Variants in TRPM1 observed in about 807,000 individuals in gnomAD.
TRPM1 encodes TRPM1-203 APA Isoform, Intron 10.
A neutral mutation model predicts 149.4 loss-of-function variants in TRPM1; 113 were observed. That is an observed-to-expected ratio of 0.76 (90% CI 0.65 to 0.88). The LOEUF is 0.88. TRPM1 is among the 40% of genes least tolerant of loss of function. The pLI, the probability that TRPM1 is intolerant of heterozygous loss-of-function variation, is 0.00. For synonymous variants in TRPM1, 741 were observed against 759.5 expected, an observed-to-expected ratio of 0.98 and a Z score of 0.40; for missense variants, 1,976 against 2,038.7, an observed-to-expected ratio of 0.97 and a Z score of 0.59.
intron 1 of TRPM1, among the ~76,000 whole-genome samples, chr15:31,142,514 G>A (rs2036174300): frequency 6.6e-6 from 1 of 152,078 alleles, no homozygotes; most frequent in Non-Finnish European, 1.5e-5. Flanking sequence ...TGATTACTTA[G>A]GAAAACAGAC....
At chr15:31,063,745 G>C (rs1249148254) in intron 7 of TRPM1, among the ~76,000 whole-genome samples, 1 of 152,154 alleles carries the variant, frequency 6.6e-6, no homozygotes, top group Non-Finnish European at 1.5e-5. Flanking sequence ...AAGCCACTGT[G>C]CCCAGCCCAG....
At chr15:31,074,431 A>G (rs985555550) in intron 3 of TRPM1, among the ~76,000 whole-genome samples, 1 of 152,022 alleles carries the variant, frequency 6.6e-6, no homozygotes, top group South Asian at 2.1e-4. Context: ...GGCAGATTGT[A>G]TATTTCTCAG....
At chr15:31,052,023 A>G (rs2033960808) in intron 11 of TRPM1, among the ~76,000 whole-genome samples, 1 of 152,166 alleles carries the variant, frequency 6.6e-6, no homozygotes, top group South Asian at 2.1e-4. Context: ...ATTTTGCTTA[A>G]TTCTGATTCT....
intron 3 of TRPM1, among the ~76,000 whole-genome samples, chr15:31,072,368 T>C (rs544241438): frequency 2.6e-5 from 4 of 152,304 alleles, no homozygotes; most frequent in South Asian, 4.1e-4. Context: ...CTCCCTTTTA[T>C]GGCTTAATAA....
Position 31,096,363 on chromosome 15 carries a change from A to C in TRPM1, c.-84+5294T>G, listed in dbSNP as rs368038564. Among the ~76,000 whole-genome samples, 47 of 152,344 alleles carry C rather than the reference A, an allele frequency of 3.1e-4. 1 individual carries two copies. The East Asian group carries it at 6.2e-3, about 20-fold the overall frequency. On this transcript the variant is annotated intron_variant, in intron 1 of 27. Transcript: ENST00000256552. ...ATTTAGCAATAAAACATCTTAAAAG[A>C]ATAAACAAAAACAGGAGAGAGAAGC...
intron 1 of TRPM1, among the ~76,000 whole-genome samples, chr15:31,147,748 A>G (rs1329848071): frequency 6.6e-6 from 1 of 152,170 alleles, no homozygotes; most frequent in Admixed American, 6.5e-5. Context: ...CATTTGGGGG[A>G]GCATTTCCAA....
At chr15:31,032,006 G>GT (rs57762904) in intron 22 of TRPM1, among the ~76,000 whole-genome samples, 2,457 of 122,644 alleles carry the variant, frequency 0.02, 8 homozygotes, top group South Asian at 0.036. Flanking sequence ...ATCAGGCGGG[G>GT]TTTTTTTTTT....
chr15:31,154,339 G>GTGTTACATTCAAGGCCTC (rs1205901571), intron 1 of TRPM1, among the ~76,000 whole-genome samples: 1 of 152,196 alleles, frequency 6.6e-6, no homozygotes, highest in African/African-American at 2.4e-5. Flanking sequence ...GGCATGGGGT[G>GTGTTACATTCAAGGCCTC]TGTTACATTC....
At chr15:31,024,926 G>A (rs754355585) in intron 27 of TRPM1, among the ~76,000 whole-genome samples, 5 of 152,162 alleles carry the variant, frequency 3.3e-5, no homozygotes, top group Admixed American at 6.5e-5. Flanking sequence ...TTAGCTGGTT[G>A]GATTTGGTTG....
rs143452917 is a variant in TRPM1, at chr15:31,018,114, C to T, written c.3629+8025G>A. ...TCGCCCAGGCTGGAGTGCAGTGGTG[C>T]GACCTCGGCTCACTGCAACCTCTGC... On this transcript the variant is annotated intron_variant, in intron 27 of 27. Transcript: ENST00000256552. Among the ~76,000 whole-genome samples the T allele has an allele frequency of 6.8e-3, 1,039 of 152,102 alleles. 15 individuals are homozygous for T. Among genetic ancestry groups the T allele is most frequent in the African/African-American group, 0.024 (995 of 41,490 alleles).
intron 27 of TRPM1, among the ~76,000 whole-genome samples, chr15:31,008,808 G>A (rs1271957167): frequency 1.3e-5 from 2 of 152,278 alleles, no homozygotes; most frequent in South Asian, 2.1e-4. Context: ...CAATTTGAAT[G>A]TAGGAACATT....
intron 27 of TRPM1, among the ~76,000 whole-genome samples, chr15:31,005,945 G>T (rs1164882864): frequency 1.3e-5 from 2 of 152,114 alleles, no homozygotes; most frequent in Admixed American, 1.3e-4. Context: ...ACATTGAATG[G>T]CATAAAAACA....
chr15:31,101,388 T>C (rs1441031784), intron 1 of TRPM1, among the ~76,000 whole-genome samples: 1 of 152,196 alleles, frequency 6.6e-6, no homozygotes. Flanking sequence ...GAACCCAGGC[T>C]GAACACAGGT....
chr15:31,096,280 C>T (rs2035384238), intron 1 of TRPM1, among the ~76,000 whole-genome samples: 1 of 152,116 alleles, frequency 6.6e-6, no homozygotes, highest in African/African-American at 2.4e-5. Context: ...ACACAAGGAT[C>T]TGCTTTATCA....
At chr15:31,072,395 G>T (rs1301894259) in intron 3 of TRPM1, among the ~76,000 whole-genome samples, 1 of 152,116 alleles carries the variant, frequency 6.6e-6, no homozygotes, top group East Asian at 1.9e-4. Context: ...CGTATGAATG[G>T]ATGAACATTT....
intron 1 of TRPM1, among the ~76,000 whole-genome samples, chr15:31,155,679 AG>A (rs2036363067): frequency 6.6e-6 from 1 of 152,126 alleles, no homozygotes; most frequent in African/African-American, 2.4e-5. Context: ...CTCTCTTAAA[AG>A]GAGGGAAGGA....
intron 13 of TRPM1, among the ~76,000 whole-genome samples, chr15:31,048,923 G>A (rs1055177980): frequency 7.2e-5 from 11 of 152,234 alleles, no homozygotes; most frequent in African/African-American, 2.4e-4. Flanking sequence ...AACTTATATT[G>A]TAATAATATA....
rs561159672 is a variant in TRPM1 at position 31,066,398 on chromosome 15, T to C, written c.619-151A>G. ...CTTTTGAAGGTTTTATTTTTGCCAA[T>C]TGTTACATTAAAATAGAAAGAAAGT... On this transcript the variant is annotated intron_variant, in intron 6 of 27. Coordinates refer to ENST00000256552, the MANE Select transcript of TRPM1 (RefSeq NM_001252024.2). 49 of 866,716 alleles carry C rather than the reference T, an allele frequency of 5.7e-5. 2 individuals carry two copies. In the South Asian group the frequency reaches 6.7e-4, roughly 12 times the overall value. 53.7% of individuals were successfully genotyped at this position (866,716 alleles called of 1,614,324 possible).
At chr15:31,160,836 A>C in intron 1 of TRPM1, 1 of 1,495,572 alleles carries the variant, frequency 6.7e-7, no homozygotes. Context: ...CTGAGATGAC[A>C]GAGCTGGAGA....
Sources: allele counts gnomAD v4.1 joint callset (sites outside exome capture counted in the v4.1 genomes callset), GRCh38; gene constraint gnomAD v4.1.1; transcripts MANE v1.5; gene names NCBI Gene and HGNC (gene_info 2026-07-23, HGNC 2026-07-21).